Variants in ANKRD16 observed in about 807,000 individuals in gnomAD.
The protein encoded by ANKRD16 is ankyrin repeat domain-containing protein 16.
Under a neutral mutation model 37.9 loss-of-function variants are expected in ANKRD16, and 35 were observed. The ratio of observed to expected loss-of-function variants is 0.92; its 90% CI spans 0.71 to 1.23. ANKRD16 has a LOEUF of 1.23. Among genes scored for constraint, ANKRD16 ranks in the 50% most tolerant of loss-of-function variants. The probability of loss-of-function intolerance (pLI) is 0.00; values close to 1 mark genes in which losing one functional copy is unlikely to be tolerated. For synonymous variants in ANKRD16, 206 were observed against 197.2 expected (o/e 1.04, Z -0.37); for missense variants, 480 against 469.9 (o/e 1.02, Z -0.20).
Position 5,869,420 on chromosome 10 carries a change from T to C in ANKRD16, c.*34-6729A>G, listed in dbSNP as rs548780419. 7.1e-4 allele frequency among the ~76,000 whole-genome samples: 108 copies of C among 152,320 alleles called. 1 individual carries two copies. Among genetic ancestry groups the C allele is most frequent in the African/African-American group, 2.6e-3 (107 of 41,566 alleles). ...CTCTCTGGGGCTGCCCAGCCACCTG[T>C]GTCCAGCAAGGTGGGGGCCTGAGAA... On this transcript the variant is annotated intron_variant, in intron 7 of 7. Coordinates refer to ENST00000380094, the MANE Select transcript of ANKRD16 (RefSeq NM_019046.3). This position sits in a 1 kb window ranked among gnomAD's most constrained non-coding sequence, Gnocchi z 4.0.
chr10:5,872,732 A>AT (rs1842117750), intron 7 of ANKRD16, among the ~76,000 whole-genome samples: 1 of 149,940 alleles, frequency 6.7e-6, no homozygotes, highest in Admixed American at 6.6e-5. Flanking sequence ...AATTTTTTGT[A>AT]TTTTTAGTAG....
intron 5 of ANKRD16, 171 bp downstream of exon 5, chr10:5,882,835 G>A (rs577314028): frequency 3.1e-6 from 2 of 644,692 alleles, no homozygotes; most frequent in East Asian, 6.3e-5. Context: ...TTCAAGTCAG[G>A]TTTCTATTTA....
intron 7 of ANKRD16, among the ~76,000 whole-genome samples, chr10:5,877,011 G>A (rs1211608705): frequency 3.3e-5 from 5 of 152,190 alleles, no homozygotes; most frequent in Admixed American, 2.0e-4. Context: ...ACAGGCTTCC[G>A]TGGGTGGATG....
At chr10:5,887,704 C>CCCCG (rs1009286157) in intron 2 of ANKRD16, 143 bp downstream of exon 2, 8 of 145,456 alleles carry the variant, frequency 5.5e-5, no homozygotes, top group African/African-American at 2.8e-4. Context: ...CACCCCCTCC[C>CCCCG]CCCCAGATGT....
rs1355567388 is a variant in ANKRD16, at chr10:5,874,859, G to T, written c.*33+3238C>A. Among the ~76,000 whole-genome samples the T allele has an allele frequency of 6.6e-6, 1 of 152,150 alleles. No individual in the cohort carries two copies. The highest frequency in any genetic ancestry group is 1.9e-4 in the East Asian group (1 of 5,198). On this transcript the variant is annotated intron_variant, in intron 7 of 7. Transcript: ENST00000380094. This position sits in a 1 kb window ranked among gnomAD's most constrained non-coding sequence, Gnocchi z 4.7. Reference sequence around the variant, plus strand: ...AATGACGGAGATGCTGGAGACAGAAGCTGGTACGCATGAGCACGGAGGGCC... The same window carrying T: ...AATGACGGAGATGCTGGAGACAGAATCTGGTACGCATGAGCACGGAGGGCC...
chr10:5,880,438 A>G (rs1243210704), intron 5 of ANKRD16, 62 bp from the exon 6 acceptor site: 13 of 1,046,200 alleles, frequency 1.2e-5, no homozygotes, highest in Admixed American at 2.5e-5. Context: ...TTGCAAACCA[A>G]AAAGTATCTG....
Position 5,889,497 on chromosome 10 carries a change from C to T in ANKRD16, c.-143G>A, listed in dbSNP as rs1220120324. 2 of 493,772 alleles carry T rather than the reference C, an allele frequency of 4.1e-6. No homozygotes were observed. The highest frequency in any genetic ancestry group is 2.1e-5 in the African/African-American group (1 of 48,644). The allele number at this position is 493,772 out of a possible 1,614,324, so 30.6% of individuals were successfully genotyped here. On this transcript the variant is annotated 5_prime_UTR_variant, in exon 1 of 8. Coordinates refer to ENST00000380094, the MANE Select transcript of ANKRD16 (RefSeq NM_019046.3). ...CCCCGAACCCGGCAGAACCGCCCCT[C>T]ACGCCCCCGGCTTTGTCCCCGGCAG...
Position 5,878,254 on chromosome 10 carries a change from GC to G in ANKRD16, c.961del (p.Ala321ProfsTer11). The G allele has an allele frequency of 6.2e-7, 1 of 1,613,992 alleles. No homozygotes were observed. The highest frequency in any genetic ancestry group is 8.5e-7 in the Non-Finnish European group (1 of 1,179,996). On this transcript the variant is annotated frameshift_variant, in exon 7 of 8. Coordinates refer to ENST00000380094, the MANE Select transcript of ANKRD16 (RefSeq NM_019046.3). LOFTEE classifies it high-confidence loss of function. This position sits in a 1 kb window ranked among gnomAD's most constrained non-coding sequence, Gnocchi z 5.1. ...CGACTGCAGGAGAAACTTGGCACAG[GC>G]CAAGTGCTGACCTGCACAGGCCAGA... ...LHLACAGQHL[A>X]CAKFLLQSGL...
In ANKRD16 at chr10:5,871,734, C is replaced by T. The variant is rs1307592093; in HGVS notation, c.*33+6363G>A. Reference sequence around the variant, plus strand: ...CCCACACCTTCCGAAGAGCCTTATCCCACAGAGCCCTCACTCCCTCACCGC... The same window carrying T: ...CCCACACCTTCCGAAGAGCCTTATCTCACAGAGCCCTCACTCCCTCACCGC... On this transcript the variant is annotated intron_variant, in intron 7 of 7. Transcript: ENST00000380094. This position sits in a 1 kb window ranked among gnomAD's most constrained non-coding sequence, Gnocchi z 4.5. 1.3e-5 allele frequency among the ~76,000 whole-genome samples: 2 copies of T among 152,244 alleles called. No individual in the cohort carries two copies. Among genetic ancestry groups the T allele is most frequent in the East Asian group, 3.9e-4 (2 of 5,170 alleles).
intron 4 of ANKRD16, 118 bp from the exon 5 acceptor site, chr10:5,883,285 A>G (rs907368730): frequency 8.0e-5 from 81 of 1,018,736 alleles, no homozygotes; most frequent in Non-Finnish European, 1.1e-4. Flanking sequence ...CTCTCTGGGC[A>G]GAGGATATGT....
rs927114103 is a variant in ANKRD16 at position 5,874,007 on chromosome 10, C to T, written c.*33+4090G>A. Among the ~76,000 whole-genome samples, 1 of 152,052 alleles carries T rather than the reference C, an allele frequency of 6.6e-6. No individual in the cohort carries two copies. Among genetic ancestry groups the T allele is most frequent in the African/African-American group, 2.4e-5 (1 of 41,378 alleles). ...CCGGGTTCCAGTGATTCTCCTGCCT[C>T]AGCCTCCCAAGTAGCTGGGATTACA... On this transcript the variant is annotated intron_variant, in intron 7 of 7. Transcript: ENST00000380094. The surrounding 1 kb of genome is among the most constrained non-coding windows in gnomAD (Gnocchi z 4.7).
chr10:5,889,238 G>A lies in ANKRD16; in HGVS notation c.117C>T (p.Thr39=). The change falls in exon 1 of 8, where the codon ACC becomes ACT. Residue 39 remains threonine (T), a synonymous_variant. Coordinates refer to ENST00000380094, the MANE Select transcript of ANKRD16 (RefSeq NM_019046.3). ...CGTGGCGCGCGGCGCAGTGCAGGAGGGTATCCCCGGCCGGCCCCGGGCAGC... is the reference window on the plus strand; with the variant it reads ...CGTGGCGCGCGGCGCAGTGCAGGAGAGTATCCCCGGCCGGCCCCGGGCAGC... ...AGGCPGPAGD[T]LLHCAARHGH... is the part of the protein sequence containing the mutation. The A allele has an allele frequency of 3.9e-6, 6 of 1,546,136 alleles. No homozygotes were observed. Among genetic ancestry groups the A allele is most frequent in the Non-Finnish European group, 5.2e-6 (6 of 1,155,490 alleles).
chr10:5,865,690 A>G lies in ANKRD16; in HGVS notation c.*34-2999T>C, dbSNP rs182966192. The stretch of plus-strand genomic sequence containing the variant: ...TCACATGACTTTCTTGTTATGCCTG[A>G]AAGTTCCACACCCTTATTAGGGAGG... On this transcript the variant is annotated intron_variant, in intron 7 of 7. Transcript: ENST00000380094. This position sits in a 1 kb window ranked among gnomAD's most constrained non-coding sequence, Gnocchi z 4.7. Among the ~76,000 whole-genome samples the G allele has an allele frequency of 4.6e-5, 7 of 152,330 alleles. No individual in the cohort carries two copies. In the East Asian group the frequency reaches 7.7e-4, roughly 17 times the overall value.
intron 7 of ANKRD16, among the ~76,000 whole-genome samples, chr10:5,873,314 G>A (rs1842133934): frequency 6.6e-6 from 1 of 152,156 alleles, no homozygotes; most frequent in African/African-American, 2.4e-5. Context: ...ACAGGCATGA[G>A]CCACCGTCCC....
chr10:5,863,500 C>T lies in ANKRD16; in HGVS notation c.*34-809G>A, dbSNP rs376165901. Among the ~76,000 whole-genome samples, 42 of 152,090 alleles carry T rather than the reference C, an allele frequency of 2.8e-4. 1 individual carries two copies. In the East Asian group the frequency reaches 4.3e-3, roughly 15 times the overall value. On this transcript the variant is annotated intron_variant, in intron 7 of 7. Transcript: ENST00000380094. The surrounding 1 kb of genome is among the most constrained non-coding windows in gnomAD (Gnocchi z 4.7). ...AGGATTGTAAACATACCAATCAGCACGCTGTAAAGTGGACCAATCAGCACT... is the reference window on the plus strand; with the variant it reads ...AGGATTGTAAACATACCAATCAGCATGCTGTAAAGTGGACCAATCAGCACT...
At chr10:5,880,457 CTCAA>C (rs1201015885) in intron 5 of ANKRD16, 81 bp from the exon 6 acceptor site, 4 of 778,470 alleles carry the variant, frequency 5.1e-6, no homozygotes, top group Non-Finnish European at 8.0e-6. Flanking sequence ...TGAGACAGGT[CTCAA>C]TCAATTTAGA....
In ANKRD16 at chr10:5,885,713, T is replaced by C. The variant is rs1009609070; in HGVS notation, c.578+10A>G. On this transcript the variant is annotated intron_variant, in intron 3 of 7. Transcript: ENST00000380094. Reference sequence around the variant, plus strand: ...CAAATATTTTCCCTGACTTGCTGTATTGTTCTTACCTCTTAAGAAGCACCT... The same window carrying C: ...CAAATATTTTCCCTGACTTGCTGTACTGTTCTTACCTCTTAAGAAGCACCT... 1.2e-6 allele frequency: 2 copies of C among 1,613,964 alleles called. No homozygotes were observed. The highest frequency in any genetic ancestry group is 2.2e-5 in the South Asian group (2 of 91,022).
At chr10:5,884,940 T>A (rs1842392335) in intron 3 of ANKRD16, among the ~76,000 whole-genome samples, 1 of 152,146 alleles carries the variant, frequency 6.6e-6, no homozygotes, top group Admixed American at 6.5e-5. Flanking sequence ...AGCTAATTTC[T>A]TTTTCTCCTT....
intron 3 of ANKRD16, among the ~76,000 whole-genome samples, chr10:5,885,417 T>C (rs1225363675): frequency 6.6e-6 from 1 of 152,082 alleles, no homozygotes; most frequent in Non-Finnish European, 1.5e-5. Flanking sequence ...CTTCTGACCT[T>C]GTGATCCGCC....
Sources: gnomAD v4.1 joint callset for allele counts (sites outside exome capture counted in the v4.1 genomes callset) on GRCh38, gnomAD v4.1.1 for gene constraint, Gnocchi (gnomAD v3.1) non-coding constraint, MANE v1.5 for transcripts, NCBI Gene and HGNC (gene_info 2026-07-23, HGNC 2026-07-21) for gene names.